The following APELA variants were observed in gnomAD, a reference collection of about 807,000 sequenced individuals.
APELA encodes protein Elabela.
At chr4:164,892,815 T>G (rs750559889) in intron 2 of APELA, among the ~76,000 whole-genome samples, 1 of 152,194 alleles carries the variant, frequency 6.6e-6, no homozygotes, top group African/African-American at 2.4e-5. Flanking sequence ...TTTTATTTCT[T>G]TTTGAGTCAG....
intron 2 of APELA, among the ~76,000 whole-genome samples, chr4:164,886,525 T>G (rs971989764): frequency 5.3e-5 from 8 of 152,058 alleles, no homozygotes; most frequent in African/African-American, 1.9e-4. Flanking sequence ...TGTATACCTA[T>G]AGTTCCAGCT....
chr4:164,893,021 C>A (rs1730911250), intron 2 of APELA, among the ~76,000 whole-genome samples: 1 of 152,008 alleles, frequency 6.6e-6, no homozygotes, highest in Non-Finnish European at 1.5e-5. Flanking sequence ...AAATAAAGTT[C>A]ATCAATTTTG....
rs891028823 is a variant in APELA at position 164,897,109 on chromosome 4, C to T, written c.*1695C>T. Reference sequence around the variant, plus strand: ...GTTCATATCTGGAGTAGAAGTTTTACTTTGTAAATATTATAAAGTAGAAGA... The same window carrying T: ...GTTCATATCTGGAGTAGAAGTTTTATTTTGTAAATATTATAAAGTAGAAGA... On this transcript the variant is annotated 3_prime_UTR_variant, in exon 3 of 3. Transcript: ENST00000507152. 6.6e-6 allele frequency: 1 copy of T among 152,086 alleles called. No individual in the cohort carries two copies. Among genetic ancestry groups the T allele is most frequent in the Non-Finnish European group, 1.5e-5 (1 of 68,032 alleles). 9.4% of individuals were successfully genotyped at this position (152,086 alleles called of 1,614,324 possible). A position where few individuals can be genotyped will look rare whatever the true frequency, so the allele number is the denominator to read the frequency against.
chr4:164,879,497 T>G (rs755481869), intron 2 of APELA, among the ~76,000 whole-genome samples: 1 of 151,954 alleles, frequency 6.6e-6, no homozygotes. Context: ...CAGGCTGGAG[T>G]GTAATGATGT....
chr4:164,891,585 G>A (rs892372184), intron 2 of APELA, among the ~76,000 whole-genome samples: 2 of 151,874 alleles, frequency 1.3e-5, no homozygotes, highest in Admixed American at 6.6e-5. Context: ...TTTCATTTTT[G>A]AATTGTCCAT....
chr4:164,877,357 C>A lies in APELA; in HGVS notation c.26C>A (p.Ala9Glu), dbSNP rs556337386. 3.3e-5 allele frequency: 13 copies of A among 398,966 alleles called. No homozygotes were observed. The South Asian group carries it at 1.4e-3, about 43-fold the overall frequency. 24.7% of individuals were successfully genotyped at this position (398,966 alleles called of 1,614,324 possible). Residue 9 changes from alanine to glutamate, a missense_variant, in exon 1 of 3, where the codon GCA becomes GAA. Transcript: ENST00000507152. ...ATGAGATTTCAGCAATTCCTTTTTG[C>A]ATTTTTTATTTTTATTATGAGTCTT... MRFQQFLF[A>E]FFIFIMSLLL... is the part of the protein sequence containing the mutation.
intron 2 of APELA, among the ~76,000 whole-genome samples, chr4:164,894,595 G>A (rs1424194089): frequency 6.6e-6 from 1 of 152,004 alleles, no homozygotes; most frequent in African/African-American, 2.4e-5. Flanking sequence ...GGTAGAGACA[G>A]GGTTTCACCA....
intron 2 of APELA, among the ~76,000 whole-genome samples, chr4:164,879,467 C>G (rs541166001): frequency 1.6e-4 from 25 of 152,178 alleles, no homozygotes; most frequent in African/African-American, 4.6e-4. Context: ...CCCTCTCCCC[C>G]AGGGTCTTGC....
In APELA at chr4:164,895,430, C is replaced by CT. The variant is rs1730955579; in HGVS notation, c.*19dup. The CT allele has an allele frequency of 6.6e-6, 1 of 152,112 alleles. No homozygotes were observed. Among genetic ancestry groups the CT allele is most frequent in the Non-Finnish European group, 1.5e-5 (1 of 68,022 alleles). The allele number at this position is 152,112 out of a possible 1,614,324, so 9.4% of individuals were successfully genotyped here. ...CTCAAATATAGATCTCTCTAGCTAACTTTACTGGATCTATCAGAAGAAGAA... is the reference window on the plus strand; with the variant it reads ...CTCAAATATAGATCTCTCTAGCTAACTTTTACTGGATCTATCAGAAGAAGAA... On this transcript the variant is annotated 3_prime_UTR_variant, in exon 3 of 3. Transcript: ENST00000507152.
In APELA at chr4:164,895,890, G is replaced by A. The variant is rs144302892; in HGVS notation, c.*476G>A. The stretch of plus-strand genomic sequence containing the variant: ...TGAAATCAATTGCATTGACCATTTG[G>A]CTTCGCACAATAGGGAGAAAATAAT... On this transcript the variant is annotated 3_prime_UTR_variant, in exon 3 of 3. Coordinates refer to ENST00000507152, the MANE Select transcript of APELA (RefSeq NM_001297550.2). 6 of 152,246 alleles carry A rather than the reference G, an allele frequency of 3.9e-5. No individual in the cohort carries two copies. Among genetic ancestry groups the A allele is most frequent in the South Asian group, 2.1e-4 (1 of 4,826 alleles). 9.4% of individuals were successfully genotyped at this position (152,246 alleles called of 1,614,324 possible). A position where few individuals can be genotyped will look rare whatever the true frequency, so the allele number is the denominator to read the frequency against.
intron 2 of APELA, among the ~76,000 whole-genome samples, chr4:164,879,663 T>A (rs1730622824): frequency 6.6e-6 from 1 of 152,360 alleles, no homozygotes; most frequent in East Asian, 1.9e-4. Context: ...CAGGCTGGTC[T>A]CGAACTCCTA....
intron 2 of APELA, among the ~76,000 whole-genome samples, chr4:164,891,571 T>C (rs904833621): frequency 5.3e-5 from 8 of 152,242 alleles, no homozygotes; most frequent in Non-Finnish European, 7.3e-5. Context: ...CGGAATTTTC[T>C]TAATTTCATT....
chr4:164,886,652 A>T (rs1277151013), intron 2 of APELA, among the ~76,000 whole-genome samples: 3 of 152,184 alleles, frequency 2.0e-5, no homozygotes, highest in African/African-American at 7.2e-5. Context: ...TCTAAAAAAA[A>T]AGAAAAAGAT....
intron 2 of APELA, among the ~76,000 whole-genome samples, chr4:164,894,152 G>T (rs990208988): frequency 3.3e-5 from 5 of 152,042 alleles, no homozygotes; most frequent in African/African-American, 7.2e-5. Flanking sequence ...GCAAAACCCT[G>T]TCTCTACTAA....
Position 164,877,297 on chromosome 4 carries a change from T to A in APELA, c.-35T>A. On this transcript the variant is annotated 5_prime_UTR_variant, in exon 1 of 3. Coordinates refer to ENST00000507152, the MANE Select transcript of APELA (RefSeq NM_001297550.2). ...TATTTACAGATCGTTTGGTTTACAT[T>A]GAGAGTCATTGCTCTACTTTTGTGC... The A allele has an allele frequency of 2.5e-6, 1 of 398,974 alleles. No homozygotes were observed. 24.7% of individuals were successfully genotyped at this position (398,974 alleles called of 1,614,324 possible). A position where few individuals can be genotyped will look rare whatever the true frequency, so the allele number is the denominator to read the frequency against.
chr4:164,898,713 G>A (rs1731022637), downstream of APELA: 1 of 151,992 alleles, frequency 6.6e-6, no homozygotes, highest in Non-Finnish European at 1.5e-5. Context: ...TTCATGTTTT[G>A]CCCTTCTTAC....
At chr4:164,888,042 T>C (rs7667141) in intron 2 of APELA, among the ~76,000 whole-genome samples, 10,158 of 152,164 alleles carry the variant, frequency 0.067, 1,037 homozygotes, top group African/African-American at 0.22. Context: ...TTCCACTAAG[T>C]TCTCAGCCAA....
At chr4:164,883,526 C>CA (rs1730701435) in intron 2 of APELA, among the ~76,000 whole-genome samples, 2 of 135,154 alleles carry the variant, frequency 1.5e-5, no homozygotes, top group African/African-American at 5.9e-5. Flanking sequence ...CTCATTCTGT[C>CA]ACCCAGGCTG....
intron 2 of APELA, among the ~76,000 whole-genome samples, chr4:164,887,804 G>T (rs919577528): frequency 3.3e-5 from 5 of 152,174 alleles, no homozygotes; most frequent in East Asian, 1.9e-4. Context: ...TAGAGACAGG[G>T]TTTCACCATG....
Sources: allele counts gnomAD v4.1 joint callset (sites outside exome capture counted in the v4.1 genomes callset), GRCh38; gene constraint gnomAD v4.1.1; transcripts MANE v1.5; gene names NCBI Gene and HGNC (gene_info 2026-07-23, HGNC 2026-07-21).